The following RBM19 variants were observed in gnomAD, a reference collection of about 807,000 sequenced individuals.
The protein encoded by RBM19 is RNA binding motif protein 19.
In RBM19, 94 loss-of-function variants were observed where a neutral mutation model predicts 116.8. That is an observed-to-expected ratio of 0.80 (90% CI 0.68 to 0.95). RBM19 has a LOEUF of 0.95. Among genes scored for constraint, RBM19 ranks in the 40% least tolerant of loss-of-function variants. The pLI is 0.00. For synonymous variants in RBM19, 475 were observed against 494.1 expected (o/e 0.96, Z 0.51); for missense variants, 1,161 against 1,220.7 (o/e 0.95, Z 0.73).
chr12:113,930,949 T>A (rs998528501), intron 16 of RBM19, among the ~76,000 whole-genome samples: 3 of 151,982 alleles, frequency 2.0e-5, no homozygotes, highest in Non-Finnish European at 4.4e-5. Context: ...CCCTTACCTA[T>A]AAAATAGAGC....
At chr12:113,821,837 G>A (rs888755459), downstream of RBM19, among the ~76,000 whole-genome samples, 3 of 152,170 alleles carry the variant, frequency 2.0e-5, no homozygotes, top group East Asian at 5.8e-4. Context: ...CTAAGGGGGT[G>A]CCTGCCCTAG....
At chr12:113,839,943 T>C (rs900036038) in intron 23 of RBM19, among the ~76,000 whole-genome samples, 28 of 152,118 alleles carry the variant, frequency 1.8e-4, no homozygotes, top group African/African-American at 6.3e-4. Flanking sequence ...TTGGGGCCCA[T>C]GACCTCCTAG....
At chr12:113,942,070 G>C (rs932565678) in intron 14 of RBM19, among the ~76,000 whole-genome samples, 11 of 152,168 alleles carry the variant, frequency 7.2e-5, no homozygotes, top group African/African-American at 2.7e-4. Flanking sequence ...GATGTTGGGG[G>C]TGCCGATCTG....
intron 15 of RBM19, 104 bp from the exon 16 acceptor site, chr12:113,937,240 G>C (rs995036185): frequency 8.6e-6 from 12 of 1,397,576 alleles, no homozygotes; most frequent in African/African-American, 1.5e-5. Flanking sequence ...CAGAGGATGG[G>C]CAACTCACCC....
At chr12:113,818,250 AACAGACAC>A (rs1038958012), downstream of RBM19, 3 of 148,344 alleles carry the variant, frequency 2.0e-5, no homozygotes, top group Admixed American at 6.7e-5. Context: ...AAGGGTTAGG[AACAGACAC>A]ACAGACACAG....
chr12:113,868,366 C>T (rs866262651), intron 21 of RBM19, among the ~76,000 whole-genome samples: 9 of 151,062 alleles, frequency 6.0e-5, no homozygotes, highest in South Asian at 2.1e-4. Context: ...ATAGAGTCCT[C>T]GGGCAGAGAA....
rs767004879 is a variant in RBM19, at chr12:113,833,167, G to A, written c.2786-9846C>T. ...AGCCACCTGTCCTTCCCAGCTTCCT[G>A]GGCCTCTGCTCACCATGCAGCACCA... On this transcript the variant is annotated intron_variant, in intron 23 of 23. Transcript: ENST00000261741. Among the ~76,000 whole-genome samples the A allele has an allele frequency of 9.2e-5, 14 of 152,226 alleles. No homozygotes were observed. The South Asian group carries it at 1.9e-3, about 20-fold the overall frequency.
rs186699665 is a variant in RBM19 at position 113,933,827 on chromosome 12, A to G, written c.2068+3180T>C. 9.8e-5 allele frequency among the ~76,000 whole-genome samples: 15 copies of G among 152,328 alleles called. No individual in the cohort carries two copies. The East Asian group carries it at 2.9e-3, about 29-fold the overall frequency. On this transcript the variant is annotated intron_variant, in intron 16 of 23. Coordinates refer to ENST00000261741, the MANE Select transcript of RBM19 (RefSeq NM_016196.4). ...ACAGCTCTATTGTCCTCCACAGCTCAAAAGTTCCTGGGGAAGGGGGTCTGT... is the reference window on the plus strand; with the variant it reads ...ACAGCTCTATTGTCCTCCACAGCTCGAAAGTTCCTGGGGAAGGGGGTCTGT...
intron 18 of RBM19, 63 bp from the exon 19 acceptor site, chr12:113,920,753 G>A: frequency 7.1e-7 from 1 of 1,416,976 alleles, no homozygotes; most frequent in Admixed American, 1.7e-5. Context: ...CAAGTGCAAG[G>A]GCTGTGACGG....
chr12:113,823,156 A>T lies in RBM19; in HGVS notation c.*68T>A. The T allele has an allele frequency of 2.7e-4, 301 of 1,128,668 alleles. No homozygotes were observed. Among genetic ancestry groups the T allele is most frequent in the Middle Eastern group, 5.3e-4 (2 of 3,784 alleles). 69.9% of individuals were successfully genotyped at this position (1,128,668 alleles called of 1,614,324 possible). Reference sequence around the variant, plus strand: ...CCGCCCCCCAGCCCACATGGTGGTGAGTGCAGAAGCTGGAGCGGCTGTCCC... The same window carrying T: ...CCGCCCCCCAGCCCACATGGTGGTGTGTGCAGAAGCTGGAGCGGCTGTCCC... On this transcript the variant is annotated 3_prime_UTR_variant, in exon 24 of 24. Transcript: ENST00000261741.
At position 113,822,970 on chromosome 12, in the gene RBM19, T is replaced by A; in HGVS notation, c.*254A>T. ...GTGGCTGCTCCCTTGGACTCTTCCG[T>A]GTCTGCTACAGAGCAGGTGCGCAGT... On this transcript the variant is annotated 3_prime_UTR_variant, in exon 24 of 24. Coordinates refer to ENST00000261741, the MANE Select transcript of RBM19 (RefSeq NM_016196.4). 2.1e-6 allele frequency: 1 copy of A among 479,712 alleles called. No individual in the cohort carries two copies. Among genetic ancestry groups the A allele is most frequent in the South Asian group, 2.3e-5 (1 of 43,264 alleles). 29.7% of individuals were successfully genotyped at this position (479,712 alleles called of 1,614,324 possible).
chr12:113,858,618 C>T (rs754999767), intron 22 of RBM19, among the ~76,000 whole-genome samples, 173 bp downstream of exon 22: 4 of 152,168 alleles, frequency 2.6e-5, no homozygotes, highest in Non-Finnish European at 4.4e-5. Flanking sequence ...CAAATACAAA[C>T]CCCCCAGGAT....
chr12:113,900,826 C>A (rs911021834), intron 21 of RBM19, among the ~76,000 whole-genome samples: 1 of 152,110 alleles, frequency 6.6e-6, no homozygotes, highest in Non-Finnish European at 1.5e-5. Flanking sequence ...GTAGGATGAT[C>A]AAAAAGGAGA....
rs533710090 is a variant in RBM19 at position 113,859,021 on chromosome 12, C to A, written c.2559-125G>T. The A allele has an allele frequency of 1.3e-5, 10 of 766,132 alleles. No homozygotes were observed. The South Asian group carries it at 1.5e-4, about 11-fold the overall frequency. The allele number at this position is 766,132 out of a possible 1,614,324, so 47.5% of individuals were successfully genotyped here. ...TAAAAGACAAGTGCATGCAGGCACA[C>A]ACACGCTCACACATGTCAGCTCAGG... On this transcript the variant is annotated intron_variant, in intron 21 of 23. Transcript: ENST00000261741.
chr12:113,855,997 G>T (rs1220964399), intron 22 of RBM19, among the ~76,000 whole-genome samples: 1 of 152,226 alleles, frequency 6.6e-6, no homozygotes, highest in Non-Finnish European at 1.5e-5. Context: ...CAGGAAAGAT[G>T]TGCTTGTGAT....
chr12:113,938,461 T>A (rs115824096), intron 15 of RBM19, among the ~76,000 whole-genome samples: 4,494 of 112,976 alleles, frequency 0.04, 127 homozygotes, highest in African/African-American at 0.13. Flanking sequence ...TAAGAATTGC[T>A]GGGGGGGACA....
chr12:113,924,081 C>A (rs1391068647), intron 18 of RBM19, among the ~76,000 whole-genome samples: 1 of 152,168 alleles, frequency 6.6e-6, no homozygotes, highest in Admixed American at 6.5e-5. Flanking sequence ...AGGACGTATC[C>A]CCTGCAGGAA....
At chr12:113,914,520 G>C (rs1159786265) in intron 21 of RBM19, among the ~76,000 whole-genome samples, 2 of 152,236 alleles carry the variant, frequency 1.3e-5, no homozygotes, top group African/African-American at 4.8e-5. Flanking sequence ...CCAACTCTCT[G>C]GGGGTGCAGC....
intron 22 of RBM19, among the ~76,000 whole-genome samples, chr12:113,855,997 G>C (rs1220964399): frequency 6.6e-6 from 1 of 152,226 alleles, no homozygotes; most frequent in African/African-American, 2.4e-5. Context: ...CAGGAAAGAT[G>C]TGCTTGTGAT....
Sources: allele counts gnomAD v4.1 joint callset (sites outside exome capture counted in the v4.1 genomes callset), GRCh38; gene constraint gnomAD v4.1.1; transcripts MANE v1.5; gene names NCBI Gene and HGNC (gene_info 2026-07-23, HGNC 2026-07-21).